MBIP: variants seen among roughly 807,000 people sequenced by gnomAD.
MBIP encodes MAP3K12 binding inhibitory protein 1.
MBIP carries 32 observed loss-of-function variants against 45.7 expected under a neutral mutation model. The ratio of observed to expected loss-of-function variants is 0.70; its 90% CI spans 0.53 to 0.94. The LOEUF (loss-of-function observed/expected upper bound fraction) is 0.94. MBIP is among the 40% of genes least tolerant of loss of function. MBIP has a pLI of 0.00. For missense variants in MBIP, 381 were observed against 405.5 expected, an observed-to-expected ratio of 0.94 and a Z score of 0.52; for synonymous variants, 145 against 141.0, an observed-to-expected ratio of 1.03 and a Z score of -0.20.
chr14:36,313,201 C>T lies in MBIP; in HGVS notation c.572-1177G>A, dbSNP rs867612561. 3 of 150,260 alleles carry T rather than the reference C, an allele frequency of 2.0e-5. No homozygotes were observed. In the Middle Eastern group the frequency reaches 0.01, roughly 515 times the overall value. 9.3% of individuals were successfully genotyped at this position (150,260 alleles called of 1,614,324 possible). ...CTTAAAGGGCCATCCTTTCTCCATT[C>T]TCTTCCTACCATTTCATGGGGCTAA... On this transcript the variant is annotated intron_variant, in intron 4 of 8. Coordinates refer to ENST00000416007, the MANE Select transcript of MBIP (RefSeq NM_016586.3).
chr14:36,310,845 C>A (rs1179566074), intron 6 of MBIP, among the ~76,000 whole-genome samples: 1 of 152,128 alleles, frequency 6.6e-6, no homozygotes, highest in African/African-American at 2.4e-5. Flanking sequence ...CAGATGTGGA[C>A]AATACTATTT....
intron 7 of MBIP, among the ~76,000 whole-genome samples, chr14:36,301,958 A>G (rs970903569): frequency 3.3e-5 from 5 of 152,238 alleles, no homozygotes; most frequent in African/African-American, 7.2e-5. Context: ...CTTTGTGTCA[A>G]AAGTTGATTC....
At chr14:36,319,275 T>C (rs183711072) in intron 1 of MBIP, among the ~76,000 whole-genome samples, 2 of 152,312 alleles carry the variant, frequency 1.3e-5, no homozygotes, top group East Asian at 1.9e-4. Context: ...TCTCTAACTT[T>C]TAAACCATTT....
rs758924297 is a variant in MBIP at position 36,320,499 on chromosome 14, G to C, written c.90C>G (p.Leu30=). The change falls in exon 1 of 9, where the codon CTC becomes CTG. Residue 30 remains leucine, a synonymous_variant. Transcript: ENST00000416007. ...TGTGTAGGGAGCGAAAGATTTCGTA[G>C]AGCACCTCTCGGGAGAGGTTGGGTC... ...RCRPNLSREV[L]YEIFRSLHTL... is the part of the protein sequence containing the mutation. 1 of 1,614,044 alleles carries C rather than the reference G, an allele frequency of 6.2e-7. No individual in the cohort carries two copies. Among genetic ancestry groups the C allele is most frequent in the South Asian group, 1.1e-5 (1 of 91,074 alleles).
At chr14:36,308,289 AT>A in intron 6 of MBIP, 100 bp from the exon 7 acceptor site, 2 of 640,514 alleles carry the variant, frequency 3.1e-6, no homozygotes, top group Non-Finnish European at 5.4e-6. Context: ...ATGCAAAGGA[AT>A]GGAAAATACT....
chr14:36,311,726 C>G lies in MBIP; in HGVS notation c.638-1G>C. On this transcript the variant is annotated splice_acceptor_variant, in intron 5 of 8. Transcript: ENST00000416007. LOFTEE classifies it high-confidence loss of function. ...CCGTATGTATTCACAACTCTAGAAACTAAATTAAGAAACTTTTGAGCCTAT... is the reference window on the plus strand; with the variant it reads ...CCGTATGTATTCACAACTCTAGAAAGTAAATTAAGAAACTTTTGAGCCTAT... 1 of 1,586,792 alleles carries G rather than the reference C, an allele frequency of 6.3e-7. No homozygotes were observed. The highest frequency in any genetic ancestry group is 8.6e-7 in the Non-Finnish European group (1 of 1,168,894).
At position 36,320,485 on chromosome 14, in the gene MBIP, C is replaced by G. The variant is rs762084799; in HGVS notation, c.104G>C (p.Arg35Pro). The G allele has an allele frequency of 6.2e-7, 1 of 1,614,028 alleles. No homozygotes were observed. The highest frequency in any genetic ancestry group is 8.5e-7 in the Non-Finnish European group (1 of 1,180,004). ...CTGTCCAACCAGGGTGTGTAGGGAG[C>G]GAAAGATTTCGTAGAGCACCTCTCG... ...LSREVLYEIF[R>P]SLHTLVGQLD... The change falls in exon 1 of 9, where the codon CGC (arginine) becomes CCC (proline). Residue 35 changes from arginine (R) to proline (P), a missense_variant. Arg to Pro is a moderately radical substitution (Grantham distance 103). Transcript: ENST00000416007.
chr14:36,320,047 C>G (rs1031307064), intron 1 of MBIP, among the ~76,000 whole-genome samples: 1 of 151,972 alleles, frequency 6.6e-6, no homozygotes, highest in African/African-American at 2.4e-5. Flanking sequence ...CCAAAAAAAG[C>G]TAATAAGCGC....
chr14:36,313,623 A>G (rs1240301591), intron 4 of MBIP: 36 of 152,136 alleles, frequency 2.4e-4, no homozygotes. Flanking sequence ...AGAGATGCAC[A>G]TGTGTAATGT....
chr14:36,311,196 T>A (rs891286323), intron 6 of MBIP, among the ~76,000 whole-genome samples: 1 of 152,002 alleles, frequency 6.6e-6, no homozygotes, highest in Non-Finnish European at 1.5e-5. Context: ...TAGTGACACA[T>A]GATTGTAGTC....
chr14:36,309,053 C>T (rs938090195), intron 6 of MBIP, among the ~76,000 whole-genome samples: 4 of 152,176 alleles, frequency 2.6e-5, no homozygotes, highest in Admixed American at 1.3e-4. Context: ...TCTCCCTATG[C>T]CCACATGGTT....
At position 36,311,714 on chromosome 14, in the gene MBIP, C is replaced by A. The variant is rs1438717266; in HGVS notation, c.649G>T (p.Val217Leu). The A allele has an allele frequency of 1.3e-6, 2 of 1,599,484 alleles. No individual in the cohort carries two copies. The highest frequency in any genetic ancestry group is 3.5e-5 in the Admixed American group (2 of 56,744). ...FKSHVKVSRVVNTYGPQTRPE... is the reference protein window; with the variant it reads ...FKSHVKVSRVLNTYGPQTRPE... ...CTAGTCTGTGGTCCGTATGTATTCA[C>A]AACTCTAGAAACTAAATTAAGAAAC... The change falls in exon 6 of 9, where the codon GTG becomes TTG. Residue 217 changes from valine (V) to leucine (L), a missense_variant. Transcript: ENST00000416007.
intron 7 of MBIP, among the ~76,000 whole-genome samples, chr14:36,303,460 T>C (rs1879691250): frequency 6.6e-6 from 1 of 152,208 alleles, no homozygotes. Flanking sequence ...ACACCTAGGC[T>C]ATATGGTATA....
chr14:36,312,785 C>T (rs944083424), intron 4 of MBIP, among the ~76,000 whole-genome samples: 1 of 137,866 alleles, frequency 7.3e-6, no homozygotes, highest in East Asian at 1.9e-4. Flanking sequence ...TATTAACATA[C>T]GATACTACAT....
At chr14:36,307,810 C>G (rs945764253) in intron 7 of MBIP, among the ~76,000 whole-genome samples, 1 of 152,114 alleles carries the variant, frequency 6.6e-6, no homozygotes, top group Non-Finnish European at 1.5e-5. Flanking sequence ...ACAGGCCCAA[C>G]CACCACCCAG....
chr14:36,300,680 C>A, intron 8 of MBIP, 105 bp downstream of exon 8: 1 of 744,488 alleles, frequency 1.3e-6, no homozygotes, highest in Non-Finnish European at 2.1e-6. Flanking sequence ...TAAATTTTAC[C>A]AGGGTATGAC....
rs1327849165 is a variant in MBIP at position 36,314,682 on chromosome 14, C to A, written c.474+9G>T. 2.5e-6 allele frequency: 4 copies of A among 1,611,676 alleles called. No individual in the cohort carries two copies. The highest frequency in any genetic ancestry group is 3.3e-5 in the Admixed American group (2 of 59,790). ...ATACCCTCTCGCCCCCGCCAAAAAA[C>A]CTTCTTACTTCTGCTTTTCCAGCCT... On this transcript the variant is annotated intron_variant, in intron 3 of 8. Coordinates refer to ENST00000416007, the MANE Select transcript of MBIP (RefSeq NM_016586.3).
In MBIP at chr14:36,314,168, T is replaced by A. The variant is rs183695339; in HGVS notation, c.571+344A>T. 1.5e-5 allele frequency: 3 copies of A among 205,138 alleles called. No homozygotes were observed. The Admixed American group carries it at 1.7e-4, about 11-fold the overall frequency. 12.7% of individuals were successfully genotyped at this position (205,138 alleles called of 1,614,324 possible). A position where few individuals can be genotyped will look rare whatever the true frequency, so the allele number is the denominator to read the frequency against. ...ACATCATGATTTCACAGTACATGTA[T>A]AGGTTTGAAATTCATAGAGCTCAGT... On this transcript the variant is annotated intron_variant, in intron 4 of 8. Coordinates refer to ENST00000416007, the MANE Select transcript of MBIP (RefSeq NM_016586.3).
At chr14:36,318,286 T>C (rs536591711) in intron 1 of MBIP, among the ~76,000 whole-genome samples, 6 of 152,120 alleles carry the variant, frequency 3.9e-5, no homozygotes, top group Non-Finnish European at 5.9e-5. Context: ...AAATAACTTA[T>C]AGAAAAATAA....
Sources: allele counts gnomAD v4.1 joint callset (sites outside exome capture counted in the v4.1 genomes callset), GRCh38; gene constraint gnomAD v4.1.1; transcripts MANE v1.5; gene names NCBI Gene and HGNC (gene_info 2026-07-23, HGNC 2026-07-21).